PTPRT: variants seen among roughly 807,000 people sequenced by gnomAD.
PTPRT encodes protein tyrosine phosphatase receptor type T, also known as receptor-type tyrosine-protein phosphatase T.
A neutral mutation model predicts 176.8 loss-of-function variants in PTPRT; 56 were observed. The ratio of observed to expected loss-of-function variants is 0.32; its 90% confidence interval spans 0.26 to 0.40. The LOEUF is 0.40. Among genes scored for constraint, PTPRT ranks in the 10% least tolerant of loss-of-function variants. The pLI is 1.00. For synonymous variants in PTPRT, 783 were observed against 739.0 expected, an observed-to-expected ratio of 1.06 and a Z score of -0.96; for missense variants, 1,540 against 1,908.2, an observed-to-expected ratio of 0.81 and a Z score of 3.60.
chr20:42,838,555 G>T (rs900510167), intron 2 of PTPRT, among the ~76,000 whole-genome samples: 1 of 152,110 alleles, frequency 6.6e-6, no homozygotes, highest in Non-Finnish European at 1.5e-5. Context: ...TGACCAAAGG[G>T]TCTACACCAT....
chr20:42,118,602 G>C, intron 20 of PTPRT, 102 bp from the exon 21 acceptor site: 1 of 843,518 alleles, frequency 1.2e-6, no homozygotes, highest in Non-Finnish European at 1.9e-6. Context: ...TGGTGAGCAG[G>C]AGTGAGGCCA....
intron 11 of PTPRT, among the ~76,000 whole-genome samples, chr20:42,337,506 C>T (rs1319240756): frequency 6.6e-6 from 1 of 152,138 alleles, no homozygotes; most frequent in Non-Finnish European, 1.5e-5. Context: ...CTCAGGTTCT[C>T]ATCTCAGGTT....
intron 24 of PTPRT, among the ~76,000 whole-genome samples, chr20:42,106,498 C>T (rs6102675): frequency 0.024 from 3,624 of 152,208 alleles, 136 homozygotes; most frequent in African/African-American, 0.083. Context: ...CAATAATCCC[C>T]GAAATTTGTC....
the PTPRT span, among the ~76,000 whole-genome samples, chr20:42,056,724 T>C: frequency 6.6e-6 from 1 of 152,214 alleles, no homozygotes; most frequent in Non-Finnish European, 1.5e-5. Context: ...ACTCATAGCA[T>C]GATGATACAA....
intron 1 of PTPRT, among the ~76,000 whole-genome samples, chr20:43,061,885 A>G (rs1474597162): frequency 2.0e-5 from 3 of 152,240 alleles, no homozygotes; most frequent in Non-Finnish European, 4.4e-5. Flanking sequence ...TGCCTAACAT[A>G]CAAAGCAGGA....
chr20:42,471,457 G>A lies in PTPRT; in HGVS notation c.1450+809C>T, dbSNP rs62204880. On this transcript the variant is annotated intron_variant, in intron 8 of 30. Coordinates refer to ENST00000373187, the MANE Select transcript of PTPRT (RefSeq NM_007050.6). The stretch of plus-strand genomic sequence containing the variant: ...GTGTGTGGCACCGCCAATCTTTTGC[G>A]CCTGCTTTGGCCACGTAGTGTTCCT... Among the ~76,000 whole-genome samples the A allele has an allele frequency of 7.9e-3, 1,207 of 152,156 alleles. 11 individuals carry two copies. The highest frequency in any genetic ancestry group is 0.014 in the Middle Eastern group (4 of 294).
intron 6 of PTPRT, among the ~76,000 whole-genome samples, chr20:42,716,839 T>C (rs1209256798): frequency 6.6e-6 from 1 of 152,148 alleles, no homozygotes; most frequent in Non-Finnish European, 1.5e-5. Flanking sequence ...ATATACACCA[T>C]GGAATACTAT....
chr20:42,237,198 C>T (rs1456233023), intron 14 of PTPRT, among the ~76,000 whole-genome samples: 1 of 152,154 alleles, frequency 6.6e-6, no homozygotes, highest in Non-Finnish European at 1.5e-5. Flanking sequence ...AGTGAAGACA[C>T]ATGAGAAAAA....
At chr20:42,876,183 A>G (rs1321566250) in intron 2 of PTPRT, among the ~76,000 whole-genome samples, 1 of 152,212 alleles carries the variant, frequency 6.6e-6, no homozygotes, top group Non-Finnish European at 1.5e-5. Flanking sequence ...GAATAAATAT[A>G]TAATATTTTG....
At chr20:42,250,059 T>C (rs1249309660) in intron 13 of PTPRT, among the ~76,000 whole-genome samples, 1 of 152,232 alleles carries the variant, frequency 6.6e-6, no homozygotes, top group Non-Finnish European at 1.5e-5. Flanking sequence ...CCTGTGCCCC[T>C]GGGAGAGTTT....
intron 8 of PTPRT, among the ~76,000 whole-genome samples, chr20:42,468,142 G>C (rs6030266): frequency 0.58 from 88,801 of 152,180 alleles, 27,238 homozygotes; most frequent in African/African-American, 0.78. Context: ...TTCGCAGGCC[G>C]TCAAATGCAC....
At chr20:42,068,545 G>A (rs749665354), downstream of PTPRT, among the ~76,000 whole-genome samples, 3 of 152,150 alleles carry the variant, frequency 2.0e-5, no homozygotes, top group Non-Finnish European at 2.9e-5. Context: ...CATCTCCCAG[G>A]AGATAGAAAT....
At chr20:42,844,960 G>A (rs190565266) in intron 2 of PTPRT, among the ~76,000 whole-genome samples, 13 of 152,234 alleles carry the variant, frequency 8.5e-5, no homozygotes, top group African/African-American at 2.4e-4. Context: ...TAGAGTTTGC[G>A]GTCTCCAAGA....
chr20:42,540,731 T>C (rs371838820), intron 7 of PTPRT, among the ~76,000 whole-genome samples: 4 of 152,070 alleles, frequency 2.6e-5, no homozygotes, highest in Admixed American at 2.0e-4. Context: ...GAAAACATAA[T>C]AGTTGTGCAG....
At position 42,894,510 on chromosome 20, in the gene PTPRT, G is replaced by A. The variant is rs549790928; in HGVS notation, c.89-8578C>T. On this transcript the variant is annotated intron_variant, in intron 1 of 30. Transcript: ENST00000373187. ...ACCCCAATTTTATAGACAAAGAAAT[G>A]AAGGCATAGAAAGGTTAAAAAAAAA... Among the ~76,000 whole-genome samples the A allele has an allele frequency of 5.3e-5, 8 of 151,868 alleles. No individual in the cohort carries two copies. In the East Asian group the frequency reaches 9.7e-4, roughly 18 times the overall value.
intron 1 of PTPRT, among the ~76,000 whole-genome samples, chr20:43,107,232 A>G (rs2012655971): frequency 6.6e-6 from 1 of 152,198 alleles, no homozygotes; most frequent in Non-Finnish European, 1.5e-5. Flanking sequence ...AAGGAAGAAA[A>G]TAGTCTCGGA....
In PTPRT at chr20:42,104,591, C is replaced by A. The variant is rs780873430; in HGVS notation, c.3518G>T (p.Ser1173Ile). 5 of 1,612,930 alleles carry A rather than the reference C, an allele frequency of 3.1e-6. No homozygotes were observed. Among genetic ancestry groups the A allele is most frequent in the Non-Finnish European group, 4.2e-6 (5 of 1,179,200 alleles). ...ISRLDPQTNS[S>I]QIKDEFQTLN... Reference sequence around the variant, plus strand: ...TACCTGAAATTCATCTTTGATTTGGCTGGAGTTTGTCTGGGGGTCCAGCCT... The same window carrying A: ...TACCTGAAATTCATCTTTGATTTGGATGGAGTTTGTCTGGGGGTCCAGCCT... The change falls in exon 25 of 31, where the codon AGC becomes ATC. Residue 1173 changes from serine to isoleucine, a missense_variant. Physicochemically the swap from Ser to Ile is moderately radical, Grantham distance 142. This residue lies in a region of PTPRT where 342 missense variants were observed against 394.0 expected (regional missense o/e 0.87). Coordinates refer to ENST00000373187, the MANE Select transcript of PTPRT (RefSeq NM_007050.6).
Position 42,779,242 on chromosome 20 carries a change from C to T in PTPRT, c.568+976G>A, listed in dbSNP as rs139182561. On this transcript the variant is annotated intron_variant, in intron 4 of 30. Transcript: ENST00000373187. ...CTGAAATGAGAATAGTCCCTAAATGCGAGGATTGAGAAGCACATAAGGAGA... is the reference window on the plus strand; with the variant it reads ...CTGAAATGAGAATAGTCCCTAAATGTGAGGATTGAGAAGCACATAAGGAGA... 1.3e-4 allele frequency among the ~76,000 whole-genome samples: 20 copies of T among 152,196 alleles called. No individual in the cohort carries two copies. The East Asian group carries it at 1.4e-3, about 10-fold the overall frequency.
chr20:42,477,979 C>T (rs1339313365), intron 7 of PTPRT, among the ~76,000 whole-genome samples: 1 of 152,196 alleles, frequency 6.6e-6, no homozygotes, highest in Non-Finnish European at 1.5e-5. Flanking sequence ...CTGGTTCTGT[C>T]CTCTCCCTTC....
Sources: allele counts gnomAD v4.1 joint callset (sites outside exome capture counted in the v4.1 genomes callset), GRCh38; gene constraint gnomAD v4.1.1; regional missense constraint gnomAD v4.1.1; transcripts MANE v1.5; gene names NCBI Gene and HGNC (gene_info 2026-07-23, HGNC 2026-07-21).